KCNH3: variants seen among roughly 807,000 people sequenced by gnomAD.
The protein encoded by KCNH3 is voltage-gated inwardly rectifying potassium channel KCNH3.
KCNH3 carries 36 observed loss-of-function variants against 95.6 expected under a neutral mutation model. That is an observed-to-expected ratio of 0.38 (90% CI 0.29 to 0.50). The LOEUF (loss-of-function observed/expected upper bound fraction) is 0.50, where lower values mean the gene tolerates loss of function less well. Ranked by LOEUF, KCNH3 falls within the 20% of genes least tolerant of loss-of-function variation. KCNH3 has a pLI of 0.95. For synonymous variants in KCNH3, 620 were observed against 646.3 expected (o/e 0.96, Z 0.62); for missense variants, 1,030 against 1,484.1 (o/e 0.69, Z 5.03).
chr12:49,555,905 C>T lies in KCNH3; in HGVS notation c.2422C>T (p.Arg808Trp), dbSNP rs767223083. 3.1e-6 allele frequency: 5 copies of T among 1,589,966 alleles called. No homozygotes were observed. The highest frequency in any genetic ancestry group is 2.3e-5 in the East Asian group (1 of 44,442). Residue 808 changes from arginine (R) to tryptophan (W), a missense_variant, in exon 12 of 15, where the codon CGG becomes TGG. By Grantham distance (101) the Arg-to-Trp change is moderately radical (BLOSUM62 -3). This residue lies in a region of KCNH3 where 464 missense variants were observed against 493.2 expected (regional missense o/e 0.94). Transcript: ENST00000257981. ...TCCCCCACGGGCCCTAGAGGGGCTA[C>T]GGCTGCCCCCCATGCCATGGAATGT... ...SAPPRALEGL[R>W]LPPMPWNVPP...
At chr12:49,547,896 C>T (rs891651219) in intron 7 of KCNH3, among the ~76,000 whole-genome samples, 7 of 152,154 alleles carry the variant, frequency 4.6e-5, no homozygotes, top group Non-Finnish European at 1.0e-4. Flanking sequence ...TCTGCCAGGA[C>T]CTCTGTGGAT....
chr12:49,556,764 G>T (rs1019862654), intron 13 of KCNH3: 17 of 671,596 alleles, frequency 2.5e-5, no homozygotes, highest in Non-Finnish European at 4.6e-5. Context: ...TAAAAAAATG[G>T]GTTGATGTTT....
rs1938496175 is a variant in KCNH3 at position 49,557,235 on chromosome 12, C to T, written c.2628C>T (p.Asp876=). ...GGCCCAGCGAGGCAAGGAACACAGA[C>T]ACACTGGACAAGCTTCGGCAGGCGG... ...PHGPSEARNT[D]TLDKLRQAVT... The change falls in exon 14 of 15, where the codon GAC becomes GAT. Residue 876 remains aspartate (D), a synonymous_variant. Transcript: ENST00000257981. 1.9e-6 allele frequency: 3 copies of T among 1,613,996 alleles called. No individual in the cohort carries two copies. Among genetic ancestry groups the T allele is most frequent in the African/African-American group, 2.7e-5 (2 of 75,028 alleles).
At position 49,550,256 on chromosome 12, in the gene KCNH3, C is replaced by T. The variant is rs746536421; in HGVS notation, c.1845C>T (p.Ala615=). 6.8e-6 allele frequency: 11 copies of T among 1,609,996 alleles called. No individual in the cohort carries two copies. Among genetic ancestry groups the T allele is most frequent in the African/African-American group, 1.3e-5 (1 of 74,948 alleles). Residue 615 remains alanine, a synonymous_variant, in exon 10 of 15, where the codon GCC becomes GCT. Transcript: ENST00000257981. ...AGTACCTCATCCACCAAGGCGATGC[C>T]CTGCAGGCCCTCTACTTTGTCTGCT... ...PGEYLIHQGD[A]LQALYFVCSG...
At position 49,539,484 on chromosome 12, in the gene KCNH3, A is replaced by T. The variant is rs1937793912; in HGVS notation, c.68A>T (p.Asp23Val). 1 of 1,588,026 alleles carries T rather than the reference A, an allele frequency of 6.3e-7. No homozygotes were observed. Reference protein sequence around the residue: ...TFLDTIATRFDGTHSNFVLGN... With the variant: ...TFLDTIATRFVGTHSNFVLGN... ...CTGGACACCATCGCTACGCGCTTCG[A>T]CGGCACGCGTGAGTCCGACCCTCGC... Residue 23 changes from aspartate (D) to valine (V), a missense_variant, in exon 1 of 15, where the codon GAC becomes GTC. Coordinates refer to ENST00000257981, the MANE Select transcript of KCNH3 (RefSeq NM_012284.3). This position sits in a 1 kb window ranked among gnomAD's most constrained non-coding sequence, Gnocchi z 6.7.
intron 11 of KCNH3, 130 bp downstream of exon 11, chr12:49,554,684 G>A (rs1394369995): frequency 1.3e-6 from 1 of 784,862 alleles, no homozygotes; most frequent in East Asian, 2.7e-5. Context: ...ACCTTGGGCA[G>A]GGGTCTACAC....
chr12:49,541,645 G>A lies in KCNH3; in HGVS notation c.326G>A (p.Cys109Tyr). ...TTGTGCCCAGGGCTCCCGTTCTGGT[G>A]TCTCCTGGATGTGATACCCATAAAG... is the stretch of plus-strand genomic sequence containing the variant. ...LYRKSGLPFW[C>Y]LLDVIPIKNE... The change falls in exon 3 of 15, where the codon TGT becomes TAT. Residue 109 changes from cysteine to tyrosine, a missense_variant. Physicochemically the swap from Cys to Tyr is radical, Grantham distance 194. Coordinates refer to ENST00000257981, the MANE Select transcript of KCNH3 (RefSeq NM_012284.3). 1 of 1,614,188 alleles carries A rather than the reference G, an allele frequency of 6.2e-7. No individual in the cohort carries two copies. The highest frequency in any genetic ancestry group is 8.5e-7 in the Non-Finnish European group (1 of 1,180,022).
Position 49,548,042 on chromosome 12 carries a change from G to A in KCNH3, c.1190-853G>A, listed in dbSNP as rs1212182903. On this transcript the variant is annotated intron_variant, in intron 7 of 14. Coordinates refer to ENST00000257981, the MANE Select transcript of KCNH3 (RefSeq NM_012284.3). ...ATGCCAAGGCCAGGTGGAGAACTTC[G>A]GGCTGAGGGGCAATCCAGCCTCTGC... is the stretch of plus-strand genomic sequence containing the variant. Among the ~76,000 whole-genome samples the A allele has an allele frequency of 2.0e-5, 3 of 152,064 alleles. 1 individual carries two copies. The South Asian group carries it at 6.2e-4, about 32-fold the overall frequency.
intron 7 of KCNH3, among the ~76,000 whole-genome samples, chr12:49,544,906 C>G (rs1486079229): frequency 1.3e-5 from 2 of 152,112 alleles, no homozygotes; most frequent in African/African-American, 4.8e-5. Flanking sequence ...TCTTCACTCT[C>G]CTTCATGTCA....
At position 49,539,446 on chromosome 12, in the gene KCNH3, G is replaced by T. The variant is rs148933979; in HGVS notation, c.30G>T (p.Pro10=). 38,966 of 1,572,404 alleles carry T rather than the reference G, an allele frequency of 0.025. 570 individuals are homozygous for T. The highest frequency in any genetic ancestry group is 0.029 in the Non-Finnish European group (33,534 of 1,162,388). Residue 10 remains proline (P), a synonymous_variant, in exon 1 of 15, where the codon CCG becomes CCT. Coordinates refer to ENST00000257981, the MANE Select transcript of KCNH3 (RefSeq NM_012284.3). The surrounding 1 kb of genome is among the most constrained non-coding windows in gnomAD (Gnocchi z 6.7). MPAMRGLLA[P]QNTFLDTIAT... is the part of the protein sequence containing the mutation. ...CGGCCATGCGGGGCCTCCTGGCGCC[G>T]CAGAACACCTTCCTGGACACCATCG...
Position 49,555,908 on chromosome 12 carries a change from C to T in KCNH3, c.2425C>T (p.Leu809=). 3 of 1,588,632 alleles carry T rather than the reference C, an allele frequency of 1.9e-6. No individual in the cohort carries two copies. The highest frequency in any genetic ancestry group is 2.2e-5 in the East Asian group (1 of 44,458). ...APPRALEGLR[L]PPMPWNVPPD... ...CCCACGGGCCCTAGAGGGGCTACGG[C>T]TGCCCCCCATGCCATGGAATGTGCC... Residue 809 remains leucine, a synonymous_variant, in exon 12 of 15, where the codon CTG becomes TTG. Coordinates refer to ENST00000257981, the MANE Select transcript of KCNH3 (RefSeq NM_012284.3).
chr12:49,556,463 C>G lies in KCNH3; in HGVS notation c.2562C>G (p.Pro854=), dbSNP rs150801372. The G allele has an allele frequency of 2.0e-5, 32 of 1,613,390 alleles. No homozygotes were observed. In the African/African-American group the frequency reaches 4.1e-4, roughly 21 times the overall value. Residue 854 remains proline (P), a synonymous_variant, in exon 13 of 15, where the codon CCC becomes CCG. Transcript: ENST00000257981. ...CTGGCCCGGAATGTAGCAGCAGCCCCTCCCCTGGACCAGGTACCAGGGCCC... is the reference window on the plus strand; with the variant it reads ...CTGGCCCGGAATGTAGCAGCAGCCCGTCCCCTGGACCAGGTACCAGGGCCC... ...GQSGPECSSS[P]SPGPESGLLT...
chr12:49,545,351 T>G (rs1938023305), intron 7 of KCNH3, among the ~76,000 whole-genome samples: 1 of 151,746 alleles, frequency 6.6e-6, no homozygotes, highest in Non-Finnish European at 1.5e-5. Flanking sequence ...CCTCCAGCCC[T>G]TTGTCAGCTT....
chr12:49,545,461 A>T (rs568159103), intron 7 of KCNH3, among the ~76,000 whole-genome samples: 14 of 130,266 alleles, frequency 1.1e-4, no homozygotes, highest in African/African-American at 4.2e-4. Context: ...GGCGTGATCT[A>T]GGCTCACTGC....
intron 7 of KCNH3, among the ~76,000 whole-genome samples, chr12:49,545,907 C>T (rs1027413313): frequency 1.3e-5 from 2 of 152,098 alleles, no homozygotes; most frequent in East Asian, 1.9e-4. Context: ...CAGGACACTC[C>T]GGGCAGTGAC....
chr12:49,539,452 C>T lies in KCNH3; in HGVS notation c.36C>T (p.Asn12=), dbSNP rs768004173. 2 of 1,576,238 alleles carry T rather than the reference C, an allele frequency of 1.3e-6. No individual in the cohort carries two copies. The highest frequency in any genetic ancestry group is 1.8e-5 in the Admixed American group (1 of 55,064). ...TGCGGGGCCTCCTGGCGCCGCAGAA[C>T]ACCTTCCTGGACACCATCGCTACGC... ...PAMRGLLAPQ[N]TFLDTIATRF... The change falls in exon 1 of 15, where the codon AAC becomes AAT. Residue 12 remains asparagine, a synonymous_variant. Transcript: ENST00000257981. This position sits in a 1 kb window ranked among gnomAD's most constrained non-coding sequence, Gnocchi z 6.7.
intron 5 of KCNH3, 162 bp from the exon 6 acceptor site, chr12:49,543,753 A>G: frequency 9.1e-7 from 1 of 1,099,444 alleles, no homozygotes; most frequent in Non-Finnish European, 1.3e-6. Context: ...CCTTTGTAAA[A>G]TAGGCAAAAT....
At position 49,550,164 on chromosome 12, in the gene KCNH3, G is replaced by A; in HGVS notation, c.1753G>A (p.Ala585Thr). The change falls in exon 10 of 15, where the codon GCG (alanine) becomes ACG (threonine). Residue 585 changes from alanine (A) to threonine (T), a missense_variant. By Grantham distance (58) the Ala-to-Thr change is moderately conservative. Around this residue, in one of 9 missense-constraint regions of KCNH3, gnomAD observed 160 missense variants for 316.2 expected, o/e 0.51. Coordinates refer to ENST00000257981, the MANE Select transcript of KCNH3 (RefSeq NM_012284.3). ...KEVLQLPLFE[A>T]ASRGCLRALS... is the part of the protein sequence containing the mutation. ...GGTCCTGCAGCTGCCACTGTTTGAGGCGGCCAGCCGCGGCTGCCTGCGGGC... is the reference window on the plus strand; with the variant it reads ...GGTCCTGCAGCTGCCACTGTTTGAGACGGCCAGCCGCGGCTGCCTGCGGGC... The A allele has an allele frequency of 6.2e-7, 1 of 1,608,280 alleles. No homozygotes were observed. Among genetic ancestry groups the A allele is most frequent in the Middle Eastern group, 1.7e-4 (1 of 5,978 alleles).
chr12:49,555,680 A>G lies in KCNH3; in HGVS notation c.2197A>G (p.Thr733Ala). ...TLMSTLEEKETDGEQGPTVSP... is the reference protein window; with the variant it reads ...TLMSTLEEKEADGEQGPTVSP... ...TATGTCCACGCTGGAGGAGAAGGAG[A>G]CAGATGGGGAGCAGGGCCCCACGGT... The change falls in exon 12 of 15, where the codon ACA becomes GCA. Residue 733 changes from threonine to alanine, a missense_variant. Physicochemically the swap from Thr to Ala is moderately conservative, Grantham distance 58 (BLOSUM62 0). Around this residue, in one of 9 missense-constraint regions of KCNH3, gnomAD observed 464 missense variants for 493.2 expected, o/e 0.94. Coordinates refer to ENST00000257981, the MANE Select transcript of KCNH3 (RefSeq NM_012284.3). The G allele has an allele frequency of 6.2e-7, 1 of 1,602,952 alleles. No homozygotes were observed. Among genetic ancestry groups the G allele is most frequent in the East Asian group, 2.2e-5 (1 of 44,524 alleles).
Sources: allele counts gnomAD v4.1 joint callset (sites outside exome capture counted in the v4.1 genomes callset), GRCh38; gene constraint gnomAD v4.1.1; regional missense constraint gnomAD v4.1.1; non-coding constraint Gnocchi (gnomAD v3.1); transcripts MANE v1.5; gene names NCBI Gene and HGNC (gene_info 2026-07-23, HGNC 2026-07-21).